Variants in IPO8 observed in about 807,000 individuals in gnomAD.
The protein encoded by IPO8 is importin 8, also known as importin-8.
Under a neutral mutation model 141.2 loss-of-function variants are expected in IPO8, and 65 were observed. The observed-to-expected ratio is 0.46, with a 90% CI of 0.38 to 0.57. The LOEUF (loss-of-function observed/expected upper bound fraction) is 0.57, where lower values mean the gene tolerates loss of function less well. Ranked by LOEUF, IPO8 falls within the 20% of genes least tolerant of loss-of-function variation. IPO8 has a pLI of 0.00. For synonymous variants in IPO8, 411 were observed against 420.3 expected (o/e 0.98, Z 0.27); for missense variants, 980 against 1,246.8 (o/e 0.79, Z 3.22).
intron 2 of IPO8, among the ~76,000 whole-genome samples, chr12:30,684,898 A>C (rs2053224656): frequency 6.6e-6 from 1 of 152,152 alleles, no homozygotes; most frequent in Non-Finnish European, 1.5e-5. Flanking sequence ...TAGTATTGGT[A>C]ATTTTCATCC....
chr12:30,671,674 CAAAAAAAA>C (rs71052423), intron 8 of IPO8, among the ~76,000 whole-genome samples: 11 of 56,478 alleles, frequency 1.9e-4, no homozygotes, highest in South Asian at 1.4e-3. Context: ...GACTCTGCCT[CAAAAAAAA>C]AAAAAAAAAA....
intron 20 of IPO8, among the ~76,000 whole-genome samples, chr12:30,648,286 T>C (rs1006823141): frequency 2.0e-5 from 3 of 152,152 alleles, no homozygotes; most frequent in Non-Finnish European, 4.4e-5. Flanking sequence ...CAGATGAACC[T>C]TGAAAACCTA....
In IPO8 at chr12:30,695,762, C is replaced by T. The variant is rs1006309127; in HGVS notation, c.-115G>A. 7 of 899,774 alleles carry T rather than the reference C, an allele frequency of 7.8e-6. No homozygotes were observed. Among genetic ancestry groups the T allele is most frequent in the Middle Eastern group, 2.3e-4 (1 of 4,370 alleles). 55.7% of individuals were successfully genotyped at this position (899,774 alleles called of 1,614,324 possible). ...GACCCCTGGATTACCTCACACCCCACCCCCCGCCACCGTCGCCACCTGCGG... is the reference window on the plus strand; with the variant it reads ...GACCCCTGGATTACCTCACACCCCATCCCCCGCCACCGTCGCCACCTGCGG... On this transcript the variant is annotated 5_prime_UTR_variant, in exon 1 of 25. It adds an upstream start codon to the 5' untranslated region. Transcript: ENST00000256079. The surrounding 1 kb of genome is among the most constrained non-coding windows in gnomAD (Gnocchi z 4.2).
At position 30,676,490 on chromosome 12, in the gene IPO8, T is replaced by A; in HGVS notation, c.729+8A>T. ...CCCCTATTTTTCTTGGGAAAAGCTTTTTCTTACAGGAGGAACGGTCCTGTC... is the reference window on the plus strand; with the variant it reads ...CCCCTATTTTTCTTGGGAAAAGCTTATTCTTACAGGAGGAACGGTCCTGTC... On this transcript the variant is annotated splice_region_variant and intron_variant, in intron 6 of 24. Coordinates refer to ENST00000256079, the MANE Select transcript of IPO8 (RefSeq NM_006390.4). The A allele has an allele frequency of 1.2e-6, 2 of 1,605,756 alleles. No homozygotes were observed. Among genetic ancestry groups the A allele is most frequent in the Non-Finnish European group, 1.7e-6 (2 of 1,172,828 alleles).
Position 30,637,005 on chromosome 12 carries a change from T to C in IPO8, c.2672A>G (p.Glu891Gly). 6.2e-7 allele frequency: 1 copy of C among 1,614,034 alleles called. No homozygotes were observed. The highest frequency in any genetic ancestry group is 8.5e-7 in the Non-Finnish European group (1 of 1,179,910). The change falls in exon 22 of 25, where the codon GAG becomes GGG. Residue 891 changes from glutamate to glycine, a missense_variant. This residue lies in a region of IPO8 where 924 missense variants were observed against 1,153.9 expected (regional missense o/e 0.80). Coordinates refer to ENST00000256079, the MANE Select transcript of IPO8 (RefSeq NM_006390.4). ...LVNREDRSKA[E>G]KADMEENEEI... Reference sequence around the variant, plus strand: ...ACCATTTTCTTCCATATCAGCTTTCTCTGCTTTTGAACGATCTTCCCGGTT... The same window carrying C: ...ACCATTTTCTTCCATATCAGCTTTCCCTGCTTTTGAACGATCTTCCCGGTT...
intron 6 of IPO8, among the ~76,000 whole-genome samples, chr12:30,676,102 A>AT (rs1445505077): frequency 6.6e-6 from 1 of 151,428 alleles, no homozygotes; most frequent in Non-Finnish European, 1.5e-5. Flanking sequence ...TTTTCTTTAC[A>AT]TTTTGTAGAG....
At chr12:30,636,843 A>G in intron 22 of IPO8, 139 bp downstream of exon 22, 1 of 728,238 alleles carries the variant, frequency 1.4e-6, no homozygotes, top group Non-Finnish European at 2.2e-6. Context: ...AAGTCAACCA[A>G]GCCCAAAATA....
intron 7 of IPO8, 149 bp downstream of exon 7, chr12:30,674,510 C>A (rs1164982132): frequency 4.6e-6 from 3 of 655,776 alleles, no homozygotes; most frequent in Non-Finnish European, 5.5e-6. Context: ...GAAGACCACC[C>A]ACTTCATTAT....
chr12:30,639,475 C>A, intron 21 of IPO8, 40 bp downstream of exon 21: 1 of 1,392,812 alleles, frequency 7.2e-7, no homozygotes. Context: ...GCAAACTTTC[C>A]AGAAACAGAA....
intron 22 of IPO8, among the ~76,000 whole-genome samples, chr12:30,635,861 G>A (rs80150701): frequency 1.3e-5 from 2 of 151,990 alleles, no homozygotes; most frequent in African/African-American, 2.4e-5. Context: ...ACTTTAGTAG[G>A]AAGTACAAGA....
chr12:30,650,499 T>C (rs905766079), intron 19 of IPO8, among the ~76,000 whole-genome samples: 8 of 152,166 alleles, frequency 5.3e-5, no homozygotes, highest in African/African-American at 1.9e-4. Flanking sequence ...TATACCACAG[T>C]CTAGCTTCTA....
chr12:30,634,042 GA>G (rs200876672), intron 23 of IPO8, 40 bp downstream of exon 23: 31 of 1,517,342 alleles, frequency 2.0e-5, no homozygotes, highest in Middle Eastern at 1.7e-4. Context: ...AAAGAGTTTA[GA>G]AAAAAAAATA....
In IPO8 at chr12:30,639,624, G is replaced by A; in HGVS notation, c.2380C>T (p.Pro794Ser). The A allele has an allele frequency of 1.9e-6, 3 of 1,613,970 alleles. No homozygotes were observed. Among genetic ancestry groups the A allele is most frequent in the South Asian group, 2.2e-5 (2 of 91,076 alleles). The change falls in exon 21 of 25, where the codon CCT becomes TCT. Residue 794 changes from proline to serine, a missense_variant. Physicochemically the swap from Pro to Ser is moderately conservative, Grantham distance 74 (BLOSUM62 -1). Coordinates refer to ENST00000256079, the MANE Select transcript of IPO8 (RefSeq NM_006390.4). The stretch of plus-strand genomic sequence containing the variant: ...TCTAAAGTATGTAGCAGCAAATCAG[G>A]GTTGTAGTACAAGGCAGCAATTGCA... ...QVAIAALYYN[P>S]DLLLHTLERI...
intron 6 of IPO8, 72 bp from the exon 7 acceptor site, chr12:30,674,825 T>C: frequency 1.1e-6 from 1 of 951,108 alleles, no homozygotes; most frequent in South Asian, 1.3e-5. Context: ...AAAGGCAAGA[T>C]AAATCTTGAT....
At chr12:30,650,518 T>C (rs2052711778) in intron 19 of IPO8, among the ~76,000 whole-genome samples, 1 of 152,210 alleles carries the variant, frequency 6.6e-6, no homozygotes, top group South Asian at 2.1e-4. Flanking sequence ...TAAATGTGAA[T>C]GGACTCTGGA....
At chr12:30,635,026 T>C (rs552697783) in intron 22 of IPO8, among the ~76,000 whole-genome samples, 1 of 152,218 alleles carries the variant, frequency 6.6e-6, no homozygotes, top group African/African-American at 2.4e-5. Flanking sequence ...ACAACACTGA[T>C]GAACTTGGAC....
intron 2 of IPO8, chr12:30,688,554 TG>T (rs2053264059): frequency 4.5e-6 from 1 of 221,006 alleles, no homozygotes; most frequent in Non-Finnish European, 9.2e-6. Flanking sequence ...TCTTTCTAGG[TG>T]TCTTGGAGCA....
intron 16 of IPO8, among the ~76,000 whole-genome samples, chr12:30,657,261 A>T (rs544127278): frequency 6.6e-6 from 1 of 152,222 alleles, no homozygotes; most frequent in Non-Finnish European, 1.5e-5. Flanking sequence ...ATTGAAATAC[A>T]ATAGAAAACA....
chr12:30,681,527 C>T, intron 4 of IPO8, 132 bp downstream of exon 4: 2 of 748,858 alleles, frequency 2.7e-6, no homozygotes, highest in South Asian at 2.0e-5. Flanking sequence ...CACATTTAAG[C>T]ATGTTTAACC....
Sources: gnomAD v4.1 joint callset for allele counts (sites outside exome capture counted in the v4.1 genomes callset) on GRCh38, gnomAD v4.1.1 for gene constraint, gnomAD v4.1.1 regional missense constraint, Gnocchi (gnomAD v3.1) non-coding constraint, MANE v1.5 for transcripts, NCBI Gene and HGNC (gene_info 2026-07-23, HGNC 2026-07-21) for gene names.